Variants in MGAT4C observed in about 807,000 individuals in gnomAD.
MGAT4C encodes MGAT4 family member C.
In MGAT4C, 19 loss-of-function variants were observed where a neutral mutation model predicts 40.1. The ratio of observed to expected loss-of-function variants is 0.47; its 90% CI spans 0.33 to 0.70. The LOEUF (loss-of-function observed/expected upper bound fraction) is 0.70. MGAT4C is among the 30% of genes least tolerant of loss of function. The pLI, the probability that MGAT4C is intolerant of heterozygous loss-of-function variation, is 0.02. For missense variants in MGAT4C, 491 were observed against 563.2 expected (o/e 0.87, Z 1.30); for synonymous variants, 181 against 187.1 (o/e 0.97, Z 0.27).
Position 85,976,208 on chromosome 12 carries a change from A to G in MGAT4C, c.*3081T>C, listed in dbSNP as rs1883972025. 6.6e-6 allele frequency: 1 copy of G among 150,942 alleles called. No individual in the cohort carries two copies. The highest frequency in any genetic ancestry group is 2.4e-5 in the African/African-American group (1 of 41,330). 9.4% of individuals were successfully genotyped at this position (150,942 alleles called of 1,614,324 possible). ...TGTTCACAACTCATAGTGTAGCTAT[A>G]TGAAAGAAATAGATCTAAACGACAG... On this transcript the variant is annotated 3_prime_UTR_variant, in exon 5 of 5. Coordinates refer to ENST00000611864, the MANE Select transcript of MGAT4C (RefSeq NM_001351288.2).
intron 2 of MGAT4C, among the ~76,000 whole-genome samples, chr12:86,507,676 T>C (rs1016887193): frequency 3.3e-5 from 5 of 152,180 alleles, no homozygotes; most frequent in African/African-American, 1.2e-4. Flanking sequence ...GTAAGCAAGA[T>C]ATAAATGTTT....
At chr12:86,015,508 C>G (rs1330475917) in intron 2 of MGAT4C, among the ~76,000 whole-genome samples, 1 of 152,154 alleles carries the variant, frequency 6.6e-6, no homozygotes, top group African/African-American at 2.4e-5. Context: ...GAAGTTTATA[C>G]AGATTAAGTA....
intron 2 of MGAT4C, among the ~76,000 whole-genome samples, chr12:86,617,293 A>G (rs904058856): frequency 6.6e-6 from 1 of 152,202 alleles, no homozygotes; most frequent in Non-Finnish European, 1.5e-5. Context: ...CATAGTAGCT[A>G]TGTATTTGAG....
At chr12:86,793,656 C>T (rs1028038946) in intron 1 of MGAT4C, among the ~76,000 whole-genome samples, 2 of 151,836 alleles carry the variant, frequency 1.3e-5, no homozygotes, top group Non-Finnish European at 2.9e-5. Flanking sequence ...GGCAATGTTT[C>T]CTATGTAATA....
chr12:86,556,884 T>C (rs1959637115), intron 2 of MGAT4C, among the ~76,000 whole-genome samples: 1 of 152,296 alleles, frequency 6.6e-6, no homozygotes, highest in African/African-American at 2.4e-5. Flanking sequence ...ACATTAATAT[T>C]ATAAGACCTT....
chr12:86,470,691 TATTATGG>T (rs1241511957), intron 2 of MGAT4C, among the ~76,000 whole-genome samples: 1 of 152,188 alleles, frequency 6.6e-6, no homozygotes, highest in Non-Finnish European at 1.5e-5. Flanking sequence ...TTTTAAATCA[TATTATGG>T]ATATCTGCAA....
At chr12:86,486,393 C>G (rs923204097) in intron 2 of MGAT4C, among the ~76,000 whole-genome samples, 3 of 150,828 alleles carry the variant, frequency 2.0e-5, no homozygotes, top group African/African-American at 7.3e-5. Context: ...CACACACACA[C>G]ACACACACAC....
intron 1 of MGAT4C, among the ~76,000 whole-genome samples, chr12:86,054,717 T>TAA (rs148983465): frequency 6.6e-6 from 1 of 151,630 alleles, no homozygotes; most frequent in Non-Finnish European, 1.5e-5. Context: ...TAAATTAGCT[T>TAA]AAAAAAACAA....
intron 1 of MGAT4C, among the ~76,000 whole-genome samples, chr12:86,828,747 A>C (rs1453003962): frequency 6.6e-6 from 1 of 151,632 alleles, no homozygotes; most frequent in African/African-American, 2.4e-5. Context: ...TAAGCAAAAG[A>C]AGCAAGACAC....
chr12:86,369,913 A>T (rs914186990), intron 3 of MGAT4C, among the ~76,000 whole-genome samples: 1 of 151,982 alleles, frequency 6.6e-6, no homozygotes, highest in Non-Finnish European at 1.5e-5. Flanking sequence ...CCAGCTGACT[A>T]GATTGTGATT....
chr12:86,250,483 C>T lies in MGAT4C; in HGVS notation c.-57+5756G>A, dbSNP rs116075922. On this transcript the variant is annotated intron_variant, in intron 1 of 4. Coordinates refer to ENST00000611864, the MANE Select transcript of MGAT4C (RefSeq NM_001351288.2). The stretch of plus-strand genomic sequence containing the variant: ...ACTCAATTCTATCACCACTTCATCA[C>T]CAATATGAGACAATGGACTGTTGAA... Among the ~76,000 whole-genome samples, 596 of 150,122 alleles carry T rather than the reference C, an allele frequency of 4.0e-3. 4 individuals are homozygous for T. The highest frequency in any genetic ancestry group is 0.014 in the African/African-American group (579 of 41,036).
intron 3 of MGAT4C, among the ~76,000 whole-genome samples, chr12:86,376,138 C>A (rs1955817371): frequency 6.7e-6 from 1 of 149,322 alleles, no homozygotes; most frequent in East Asian, 2.0e-4. Flanking sequence ...ATAATCCCAG[C>A]AGTCTGGGAG....
At chr12:86,453,193 G>A (rs1340716569) in intron 2 of MGAT4C, among the ~76,000 whole-genome samples, 1 of 152,092 alleles carries the variant, frequency 6.6e-6, no homozygotes, top group African/African-American at 2.4e-5. Flanking sequence ...GTGCACTGCA[G>A]AGTACATTGT....
At chr12:86,763,958 C>T (rs1175941262) in intron 1 of MGAT4C, among the ~76,000 whole-genome samples, 2 of 152,132 alleles carry the variant, frequency 1.3e-5, no homozygotes, top group Non-Finnish European at 2.9e-5. Flanking sequence ...GTGATTTCTG[C>T]ATTTCCATCT....
At chr12:86,138,250 T>G (rs1882254557) in intron 1 of MGAT4C, among the ~76,000 whole-genome samples, 1 of 151,840 alleles carries the variant, frequency 6.6e-6, no homozygotes, top group Non-Finnish European at 1.5e-5. Context: ...CATTTCTCAT[T>G]GCACTCTATA....
At chr12:86,172,955 T>C (rs1248088020) in intron 1 of MGAT4C, among the ~76,000 whole-genome samples, 1 of 152,108 alleles carries the variant, frequency 6.6e-6, no homozygotes, top group Non-Finnish European at 1.5e-5. Flanking sequence ...GTCATTACAT[T>C]TTAAAATACA....
intron 4 of MGAT4C, among the ~76,000 whole-genome samples, chr12:86,274,371 TA>T (rs1423004288): frequency 2.6e-5 from 4 of 152,140 alleles, no homozygotes; most frequent in African/African-American, 9.7e-5. Flanking sequence ...GGATATCATC[TA>T]AATAATTATT....
chr12:86,003,423 G>A (rs1274721571), intron 2 of MGAT4C, among the ~76,000 whole-genome samples: 1 of 152,112 alleles, frequency 6.6e-6, no homozygotes, highest in African/African-American at 2.4e-5. Flanking sequence ...AAGTAAAGAT[G>A]CAGTAAAGAA....
intron 2 of MGAT4C, among the ~76,000 whole-genome samples, chr12:86,724,361 A>T (rs1950788189): frequency 6.6e-6 from 1 of 152,170 alleles, no homozygotes; most frequent in African/African-American, 2.4e-5. Flanking sequence ...AGGCATCTCT[A>T]ATAATTTTCT....
Sources: allele counts gnomAD v4.1 joint callset (sites outside exome capture counted in the v4.1 genomes callset), GRCh38; gene constraint gnomAD v4.1.1; transcripts MANE v1.5; gene names NCBI Gene and HGNC (gene_info 2026-07-23, HGNC 2026-07-21).